PCDH7: variants seen among roughly 807,000 people sequenced by gnomAD.
PCDH7 encodes the protein protocadherin 7.
A neutral mutation model predicts 58.9 loss-of-function variants in PCDH7; 17 were observed. The observed-to-expected ratio is 0.29, with a 90% CI of 0.20 to 0.43. The LOEUF (loss-of-function observed/expected upper bound fraction) is 0.43. Among genes scored for constraint, PCDH7 ranks in the 20% least tolerant of loss-of-function variants. The pLI, the probability that PCDH7 is intolerant of heterozygous loss-of-function variation, is 1.00. For synonymous variants in PCDH7, 664 were observed against 616.4 expected (o/e 1.08, Z -1.14); for missense variants, 1,274 against 1,441.0 (o/e 0.88, Z 1.88).
intron 3 of PCDH7, among the ~76,000 whole-genome samples, chr4:30,968,393 TATATATATATATATATATATATGG>T (rs1560541646): frequency 1.9e-5 from 1 of 53,670 alleles, no homozygotes; most frequent in Non-Finnish European, 3.2e-5. Context: ...TATATATATA[TATATATATATATATATATATATGG>T]GATATTATGT....
intron 3 of PCDH7, among the ~76,000 whole-genome samples, chr4:31,132,879 T>C (rs539460495): frequency 1.3e-5 from 2 of 152,280 alleles, no homozygotes; most frequent in African/African-American, 4.8e-5. Flanking sequence ...TTTTTTCAGG[T>C]TGGTGATCAG....
chr4:30,882,345 C>T (rs1414158389), intron 1 of PCDH7, among the ~76,000 whole-genome samples: 1 of 151,940 alleles, frequency 6.6e-6, no homozygotes, highest in Non-Finnish European at 1.5e-5. Context: ...TCACTGCTGC[C>T]TCAAACTCCT....
chr4:31,038,154 G>T (rs1210135806), intron 3 of PCDH7, among the ~76,000 whole-genome samples: 1 of 152,116 alleles, frequency 6.6e-6, no homozygotes, highest in Non-Finnish European at 1.5e-5. Context: ...ATTCTCAAGG[G>T]TTTAGCCAAA....
intron 3 of PCDH7, among the ~76,000 whole-genome samples, chr4:31,113,990 G>A (rs777542322): frequency 1.3e-5 from 2 of 151,802 alleles, no homozygotes; most frequent in Non-Finnish European, 2.9e-5. Flanking sequence ...CCGACACCGG[G>A]CTTGGCTAAT....
At chr4:31,115,580 A>T (rs1716895890) in intron 3 of PCDH7, among the ~76,000 whole-genome samples, 1 of 152,168 alleles carries the variant, frequency 6.6e-6, no homozygotes, top group Non-Finnish European at 1.5e-5. Context: ...TATGGAAAAC[A>T]GTAGGATTCT....
intron 1 of PCDH7, among the ~76,000 whole-genome samples, chr4:30,905,657 T>C (rs1740823280): frequency 6.6e-6 from 1 of 152,144 alleles, no homozygotes; most frequent in Non-Finnish European, 1.5e-5. Flanking sequence ...ATTGTGAAGA[T>C]AGTATTTTTC....
chr4:30,988,174 T>C (rs1272808884), intron 3 of PCDH7, among the ~76,000 whole-genome samples: 5 of 152,152 alleles, frequency 3.3e-5, no homozygotes, highest in Non-Finnish European at 5.9e-5. Flanking sequence ...ACGTTAGACA[T>C]CATGGTAGGC....
At chr4:30,890,708 G>T (rs1298275608) in intron 1 of PCDH7, among the ~76,000 whole-genome samples, 4 of 151,882 alleles carry the variant, frequency 2.6e-5, no homozygotes, top group Non-Finnish European at 5.9e-5. Context: ...TTGGGAAATG[G>T]AATGCATAAG....
chr4:31,107,782 A>T (rs779060104), intron 3 of PCDH7, among the ~76,000 whole-genome samples: 3 of 152,176 alleles, frequency 2.0e-5, no homozygotes, highest in East Asian at 1.9e-4. Flanking sequence ...GTCAAACTAG[A>T]CTTTCATTTT....
chr4:30,764,707 GTGTTTGTTTGTTTGTT>G (rs35644257), intron 1 of PCDH7, among the ~76,000 whole-genome samples: 1 of 150,518 alleles, frequency 6.6e-6, no homozygotes. Context: ...TATATGTTTG[GTGTTTGTTTGTTTGTT>G]TGTTTGTTTG....
intron 1 of PCDH7, among the ~76,000 whole-genome samples, chr4:30,728,989 T>C (rs747743152): frequency 3.3e-5 from 5 of 151,840 alleles, no homozygotes; most frequent in Non-Finnish European, 4.4e-5. Context: ...AATGTTGAAA[T>C]AAAATATACT....
At chr4:31,027,266 T>C (rs1754511840) in intron 3 of PCDH7, among the ~76,000 whole-genome samples, 1 of 152,192 alleles carries the variant, frequency 6.6e-6, no homozygotes, top group East Asian at 1.9e-4. Context: ...TTATGTTCTT[T>C]GTGAGAAAAA....
intron 3 of PCDH7, among the ~76,000 whole-genome samples, chr4:30,971,373 A>C (rs1391536470): frequency 6.6e-6 from 1 of 152,200 alleles, no homozygotes. Context: ...AAATAAACCC[A>C]AACACCTGCT....
At position 31,102,651 on chromosome 4, in the gene PCDH7, T is replaced by A. The variant is rs1046341221; in HGVS notation, c.*8-39822T>A. ...TCATGCCACTGCATTCCAGCCTGGG[T>A]GACAAGAGCAAAACTCCATCTCAAA... On this transcript the variant is annotated intron_variant, in intron 3 of 3. Coordinates refer to the PCDH7 transcript ENST00000509759. Among the ~76,000 whole-genome samples, 13 of 148,574 alleles carry A rather than the reference T, an allele frequency of 8.7e-5. No individual in the cohort carries two copies. In the Admixed American group the frequency reaches 8.8e-4, roughly 10 times the overall value.
chr4:31,137,364 C>CT (rs936316678), intron 3 of PCDH7, among the ~76,000 whole-genome samples: 24 of 152,348 alleles, frequency 1.6e-4, no homozygotes, highest in African/African-American at 5.8e-4. Flanking sequence ...GGGCAGATCC[C>CT]TTGAGATCAG....
chr4:30,754,185 TG>T (rs1577668535), intron 1 of PCDH7, among the ~76,000 whole-genome samples: 1 of 137,330 alleles, frequency 7.3e-6, no homozygotes, highest in South Asian at 2.1e-4. Context: ...TGTGTGTGTG[TG>T]TGTTTTTTCT....
chr4:31,122,610 T>A (rs1717824162), intron 3 of PCDH7, among the ~76,000 whole-genome samples: 1 of 152,158 alleles, frequency 6.6e-6, no homozygotes, highest in Non-Finnish European at 1.5e-5. Context: ...TCAAATTATT[T>A]TTTTTTTCAA....
intron 1 of PCDH7, among the ~76,000 whole-genome samples, chr4:30,876,239 A>G (rs997720099): frequency 2.6e-5 from 4 of 152,154 alleles, no homozygotes; most frequent in Non-Finnish European, 4.4e-5. Flanking sequence ...AGGAAAACAT[A>G]TCAGAATGGA....
At chr4:31,036,381 T>G (rs1755416734) in intron 3 of PCDH7, among the ~76,000 whole-genome samples, 1 of 152,126 alleles carries the variant, frequency 6.6e-6, no homozygotes, top group Admixed American at 6.5e-5. Flanking sequence ...AGACAGAGTT[T>G]CACCATGTTG....
Sources: allele counts gnomAD v4.1 joint callset (sites outside exome capture counted in the v4.1 genomes callset), GRCh38; gene constraint gnomAD v4.1.1; transcripts MANE v1.5; gene names NCBI Gene and HGNC (gene_info 2026-07-23, HGNC 2026-07-21).